IGF1R: variants seen among roughly 807,000 people sequenced by gnomAD.
IGF1R encodes the protein insulin like growth factor 1 receptor.
IGF1R carries 44 observed loss-of-function variants against 144.6 expected under a neutral mutation model. That is an observed-to-expected ratio of 0.30 (90% confidence interval 0.24 to 0.39). IGF1R has a LOEUF of 0.39. Among genes scored for constraint, IGF1R ranks in the 10% least tolerant of loss-of-function variants. The pLI is 1.00. For missense variants in IGF1R, 1,355 were observed against 1,833.7 expected, an observed-to-expected ratio of 0.74 and a Z score of 4.77; for synonymous variants, 795 against 722.8, an observed-to-expected ratio of 1.10 and a Z score of -1.60.
At chr15:98,934,088 C>T (rs1409549405) in intron 15 of IGF1R, among the ~76,000 whole-genome samples, 1 of 150,930 alleles carries the variant, frequency 6.6e-6, no homozygotes, top group Non-Finnish European at 1.5e-5. Flanking sequence ...AACATGGAGT[C>T]AGTATTAAAG....
chr15:98,780,549 CA>C (rs1192949160), intron 2 of IGF1R, among the ~76,000 whole-genome samples: 647 of 23,842 alleles, frequency 0.027, 2 homozygotes, highest in African/African-American at 0.042. Context: ...AACTCTGTCT[CA>C]AAAAAAAAAA....
chr15:98,665,279 A>G lies in IGF1R; in HGVS notation c.94+15604A>G, dbSNP rs146447460. ...ACCCAGCTTCATTTCTTGTAAAGAGAGTTTGACAAGCGCTCCACTGGGGAT... is the reference window on the plus strand; with the variant it reads ...ACCCAGCTTCATTTCTTGTAAAGAGGGTTTGACAAGCGCTCCACTGGGGAT... On this transcript the variant is annotated intron_variant, in intron 1 of 20. Transcript: ENST00000650285. Among the ~76,000 whole-genome samples, 12 of 152,182 alleles carry G rather than the reference A, an allele frequency of 7.9e-5. No individual in the cohort carries two copies. In the East Asian group the frequency reaches 2.3e-3, roughly 30 times the overall value.
At chr15:98,825,203 CAGTGGCACCATATT>C (rs542051173) in intron 2 of IGF1R, among the ~76,000 whole-genome samples, 99 of 150,582 alleles carry the variant, frequency 6.6e-4, no homozygotes, top group South Asian at 2.1e-3. Flanking sequence ...GCACCATATA[CAGTGGCACCATATT>C]AGTGGCACCA....
chr15:98,756,254 T>G (rs931066521), intron 2 of IGF1R, among the ~76,000 whole-genome samples: 7 of 151,918 alleles, frequency 4.6e-5, no homozygotes, highest in Non-Finnish European at 5.9e-5. Flanking sequence ...AACCTGTTTT[T>G]TTTTTTTTTT....
intron 2 of IGF1R, among the ~76,000 whole-genome samples, chr15:98,795,170 A>T (rs2056209984): frequency 6.6e-6 from 1 of 152,240 alleles, no homozygotes; most frequent in African/African-American, 2.4e-5. Flanking sequence ...TAGATTGTTT[A>T]GGAAGCAGCA....
chr15:98,816,667 G>A (rs890639846), intron 2 of IGF1R, among the ~76,000 whole-genome samples: 4 of 152,196 alleles, frequency 2.6e-5, no homozygotes, highest in African/African-American at 9.7e-5. Context: ...GTAACCTTAA[G>A]ACTTGATGCT....
intron 2 of IGF1R, among the ~76,000 whole-genome samples, chr15:98,743,442 A>G (rs999487303): frequency 6.6e-6 from 1 of 152,188 alleles, no homozygotes; most frequent in African/African-American, 2.4e-5. Context: ...TGGCATCTCT[A>G]TACAACTGTT....
intron 2 of IGF1R, among the ~76,000 whole-genome samples, chr15:98,861,489 C>G (rs1004291995): frequency 6.6e-6 from 1 of 152,146 alleles, no homozygotes; most frequent in African/African-American, 2.4e-5. Flanking sequence ...CAGGTTAGGC[C>G]CTGCTTCTAG....
chr15:98,654,363 T>C (rs1285000207), intron 1 of IGF1R, among the ~76,000 whole-genome samples: 1 of 152,212 alleles, frequency 6.6e-6, no homozygotes, highest in Non-Finnish European at 1.5e-5. Context: ...GGTGTGTACA[T>C]GAACGTTGCA....
rs2015886492 is a variant in IGF1R, at chr15:98,930,227, T to C, written c.2886-8T>C. 2 of 1,610,232 alleles carry C rather than the reference T, an allele frequency of 1.2e-6. No homozygotes were observed. Among genetic ancestry groups the C allele is most frequent in the Non-Finnish European group, 1.7e-6 (2 of 1,176,740 alleles). On this transcript the variant is annotated splice_polypyrimidine_tract_variant and splice_region_variant and intron_variant, in intron 14 of 20. Coordinates refer to ENST00000650285, the MANE Select transcript of IGF1R (RefSeq NM_000875.5). The stretch of plus-strand genomic sequence containing the variant: ...GTTTTGTTAACGTGAATTTAATCTT[T>C]TTGACAGAAATAACAGCAGGCTGGG...
intron 2 of IGF1R, among the ~76,000 whole-genome samples, chr15:98,755,617 G>A (rs190037336): frequency 6.6e-6 from 1 of 150,566 alleles, no homozygotes; most frequent in Non-Finnish European, 1.5e-5. Flanking sequence ...GGCAGTGGAG[G>A]CTGAGGCAGG....
intron 5 of IGF1R, among the ~76,000 whole-genome samples, chr15:98,905,605 A>T (rs2014693617): frequency 6.6e-6 from 1 of 151,964 alleles, no homozygotes; most frequent in African/African-American, 2.4e-5. Context: ...TTGAGGCTGC[A>T]GTGCTCTGTC....
rs1365057142 is a variant in IGF1R at position 98,916,727 on chromosome 15, A to G, written c.2052A>G (p.Thr684=). 4.3e-6 allele frequency: 7 copies of G among 1,614,154 alleles called. No homozygotes were observed. The highest frequency in any genetic ancestry group is 5.9e-6 in the Non-Finnish European group (7 of 1,180,004). Residue 684 remains threonine, a synonymous_variant, in exon 10 of 21, where the codon ACA becomes ACG. Transcript: ENST00000650285. ...GCACCATCGACATTGAGGAGGTCAC[A>G]GAGAACCCCAAGACTGAGGTGTGTG... The part of the protein sequence containing the change: ...ADGTIDIEEV[T]ENPKTEVCGG...
At chr15:98,854,768 G>A (rs2011702487) in intron 2 of IGF1R, among the ~76,000 whole-genome samples, 1 of 152,172 alleles carries the variant, frequency 6.6e-6, no homozygotes. Context: ...CTTGAGACAA[G>A]CTTTGAGTGA....
At chr15:98,878,678 A>AC (rs1188174553) in intron 2 of IGF1R, among the ~76,000 whole-genome samples, 5 of 93,820 alleles carry the variant, frequency 5.3e-5, no homozygotes, top group East Asian at 1.2e-3. Flanking sequence ...AAAAAAAAAA[A>AC]AAAAAAAAAA....
Position 98,954,584 on chromosome 15 carries a change from G to C in IGF1R, c.3723-2477G>C, listed in dbSNP as rs111432897. Among the ~76,000 whole-genome samples the C allele has an allele frequency of 2.4e-3, 367 of 152,248 alleles. 3 individuals carry two copies. The highest frequency in any genetic ancestry group is 4.4e-3 in the Non-Finnish European group (301 of 68,020). On this transcript the variant is annotated intron_variant, in intron 20 of 20. Coordinates refer to ENST00000650285, the MANE Select transcript of IGF1R (RefSeq NM_000875.5). Reference sequence around the variant, plus strand: ...TGTTACTCTGGAATGGTTTAAAAGAGGCGTCACATGGCTTGTTTGTGCTGA... The same window carrying C: ...TGTTACTCTGGAATGGTTTAAAAGACGCGTCACATGGCTTGTTTGTGCTGA...
chr15:98,913,338 C>A, intron 8 of IGF1R, 56 bp downstream of exon 8: 1 of 1,338,130 alleles, frequency 7.5e-7, no homozygotes, highest in Non-Finnish European at 1.1e-6. Flanking sequence ...GCTCACTGGC[C>A]TTGCTTGTAC....
chr15:98,761,380 TAC>T (rs2055292142), intron 2 of IGF1R, among the ~76,000 whole-genome samples: 1 of 152,202 alleles, frequency 6.6e-6, no homozygotes. Flanking sequence ...GGGAAAGTGC[TAC>T]AGAGTCCTGG....
chr15:98,933,354 A>AT (rs2016016952), intron 15 of IGF1R, among the ~76,000 whole-genome samples: 1 of 149,906 alleles, frequency 6.7e-6, no homozygotes, highest in African/African-American at 2.5e-5. Context: ...TCATTCATTC[A>AT]TTTTTTTGAG....
Sources: gnomAD v4.1 joint callset for allele counts (sites outside exome capture counted in the v4.1 genomes callset) on GRCh38, gnomAD v4.1.1 for gene constraint, MANE v1.5 for transcripts, NCBI Gene and HGNC (gene_info 2026-07-23, HGNC 2026-07-21) for gene names.